Variants in CRBN observed in about 807,000 individuals in gnomAD.
The protein encoded by CRBN is cereblon.
CRBN carries 53 observed loss-of-function variants against 62.2 expected under a neutral mutation model. That is an observed-to-expected ratio of 0.85 (90% CI 0.68 to 1.07). The LOEUF (loss-of-function observed/expected upper bound fraction) is 1.07. CRBN is among the 50% of genes least tolerant of loss of function. CRBN has a pLI of 0.00. For missense variants in CRBN, 616 were observed against 531.1 expected (o/e 1.16, Z -1.57); for synonymous variants, 208 against 176.1 (o/e 1.18, Z -1.43).
At position 3,165,729 on chromosome 3, in the gene CRBN, AGCAGT is replaced by A. The variant is rs1216390880; in HGVS notation, c.687+1900_687+1904del. On this transcript the variant is annotated intron_variant, in intron 5 of 10. Coordinates refer to ENST00000231948, the MANE Select transcript of CRBN (RefSeq NM_016302.4). ...TTTATTGTGATACTTGTTTTATTGC[AGCAGT>A]TTGAAACTGAACCTGCAATATCTCC... 3.3e-5 allele frequency among the ~76,000 whole-genome samples: 5 copies of A among 152,184 alleles called. No homozygotes were observed. The South Asian group carries it at 1.0e-3, about 32-fold the overall frequency.
intron 5 of CRBN, chr3:3,156,880 ATGTGAATTGTAGAAATTTCAGTTGAAT>A (rs1299211726): frequency 6.6e-6 from 1 of 152,328 alleles, no homozygotes; most frequent in Non-Finnish European, 1.5e-5. Context: ...CCATATAAAA[ATGTGAATTGTAGAAATTTCAGTTGAAT>A]TGTGAATTGT....
intron 4 of CRBN, among the ~76,000 whole-genome samples, chr3:3,171,466 T>A (rs940906979): frequency 1.9e-4 from 29 of 151,612 alleles, no homozygotes; most frequent in Admixed American, 4.6e-4. Flanking sequence ...CATAAATAAG[T>A]CTTGGTCATT....
At chr3:3,156,407 T>G in intron 5 of CRBN, 126 bp from the exon 6 acceptor site, 2 of 780,662 alleles carry the variant, frequency 2.6e-6, no homozygotes, top group South Asian at 3.2e-5. Context: ...ATAAAAAATT[T>G]TGTAGATAAT....
intron 10 of CRBN, 151 bp from the exon 11 acceptor site, chr3:3,151,196 A>C (rs1706518481): frequency 2.5e-6 from 2 of 799,932 alleles, no homozygotes; most frequent in African/African-American, 3.5e-5. Context: ...CCTGAAACCT[A>C]AAAACATTTC....
At position 3,172,897 on chromosome 3, in the gene CRBN, CA is replaced by C; in HGVS notation, c.405del (p.Phe135LeufsTer20). Reference protein sequence around the residue: ...YSNVQEREAQFGTTAEIYAYR... With the variant: ...YSNVQEREAQXGTTAEIYAYR... ...TAGGCATATATCTCTGCTGTTGTTC[CA>C]AACTGTGCTTCCCTTTCCTGTACAT... On this transcript the variant is annotated frameshift_variant, in exon 4 of 11. Transcript: ENST00000231948. LOFTEE classifies it high-confidence loss of function. The C allele has an allele frequency of 6.2e-7, 1 of 1,613,774 alleles. No homozygotes were observed. Among genetic ancestry groups the C allele is most frequent in the Non-Finnish European group, 8.5e-7 (1 of 1,179,756 alleles).
intron 6 of CRBN, chr3:3,155,516 G>C (rs1027834181): frequency 6.5e-6 from 1 of 152,988 alleles, no homozygotes; most frequent in Admixed American, 6.5e-5. Context: ...GTAAGTGACA[G>C]AAATCAGACT....
At chr3:3,156,397 A>G (rs969608506) in intron 5 of CRBN, 116 bp from the exon 6 acceptor site, 3 of 903,994 alleles carry the variant, frequency 3.3e-6, no homozygotes, top group African/African-American at 3.4e-5. Flanking sequence ...TTTTAAAAAG[A>G]TAAAAAATTT....
At chr3:3,175,306 T>C (rs556518479) in intron 1 of CRBN, 37 bp from the exon 2 acceptor site, 28 of 1,378,614 alleles carry the variant, frequency 2.0e-5, no homozygotes, top group South Asian at 1.3e-4. Flanking sequence ...AAAAAAAAGA[T>C]GAATGAAAAC....
At position 3,152,447 on chromosome 3, in the gene CRBN, TA is replaced by T. The variant is rs746944603; in HGVS notation, c.1148+8del. ...AGAAAAAAAAAAGCAACCACCACCATAATATTACCCAGGAAACCAGCTGTGT... is the reference window on the plus strand; with the variant it reads ...AGAAAAAAAAAAGCAACCACCACCATATATTACCCAGGAAACCAGCTGTGT... On this transcript the variant is annotated splice_region_variant and intron_variant, in intron 10 of 10. Transcript: ENST00000231948. The T allele has an allele frequency of 2.8e-5, 45 of 1,612,064 alleles. No homozygotes were observed. The highest frequency in any genetic ancestry group is 3.7e-5 in the Non-Finnish European group (44 of 1,179,506).
At chr3:3,153,164 C>T (rs1575080243) in intron 9 of CRBN, 1 of 425,808 alleles carries the variant, frequency 2.3e-6, no homozygotes. Flanking sequence ...AGATTGTCAA[C>T]AAGAATTAGG....
chr3:3,154,767 G>T lies in CRBN; in HGVS notation c.815C>A (p.Ser272Tyr). 1.3e-6 allele frequency: 2 copies of T among 1,598,166 alleles called. No homozygotes were observed. Among genetic ancestry groups the T allele is most frequent in the Non-Finnish European group, 1.7e-6 (2 of 1,165,730 alleles). The change falls in exon 7 of 11, where the codon TCT (serine) becomes TAT (tyrosine). Residue 272 changes from serine (S) to tyrosine (Y), a missense_variant. By Grantham distance (144) the Ser-to-Tyr change is moderately radical. Transcript: ENST00000231948. ...REWDENLKDD[S>Y]LPSNPIDFSY... ...CATACCTATTGGATTTGAAGGAAGAGAATCATCTTTTAGATTTTCATCCCA... is the reference window on the plus strand; with the variant it reads ...CATACCTATTGGATTTGAAGGAAGATAATCATCTTTTAGATTTTCATCCCA...
intron 5 of CRBN, among the ~76,000 whole-genome samples, chr3:3,163,128 C>G (rs1707205172): frequency 1.3e-5 from 2 of 152,158 alleles, no homozygotes; most frequent in African/African-American, 4.8e-5. Flanking sequence ...ACTTGGAGTC[C>G]AAAATAGATC....
intron 5 of CRBN, among the ~76,000 whole-genome samples, chr3:3,157,094 CAT>C (rs2126056802): frequency 6.6e-6 from 1 of 152,226 alleles, no homozygotes; most frequent in South Asian, 2.1e-4. Flanking sequence ...CGTTTGGAAA[CAT>C]AACTGCAAAA....
chr3:3,154,297 T>C (rs1706779777), intron 7 of CRBN: 1 of 543,662 alleles, frequency 1.8e-6, no homozygotes, highest in African/African-American at 1.9e-5. Context: ...AATCCTTTTA[T>C]GTTAAACATG....
intron 4 of CRBN, among the ~76,000 whole-genome samples, chr3:3,169,477 G>GTA (rs10626719): frequency 6.6e-6 from 1 of 151,608 alleles, no homozygotes; most frequent in African/African-American, 2.4e-5. Context: ...TACTCTAATA[G>GTA]GAAAAAAACC....
chr3:3,159,744 G>C (rs910975729), intron 5 of CRBN, among the ~76,000 whole-genome samples: 1 of 152,108 alleles, frequency 6.6e-6, no homozygotes, highest in Admixed American at 6.5e-5. Flanking sequence ...ACACTGAAGA[G>C]ACATATACCA....
At chr3:3,160,731 T>C (rs796472547) in intron 5 of CRBN, among the ~76,000 whole-genome samples, 25 of 152,316 alleles carry the variant, frequency 1.6e-4, no homozygotes, top group African/African-American at 5.8e-4. Context: ...AAAAAAGCAG[T>C]GAGGGGCTTA....
At chr3:3,163,000 C>T (rs1328272273) in intron 5 of CRBN, among the ~76,000 whole-genome samples, 1 of 152,216 alleles carries the variant, frequency 6.6e-6, no homozygotes, top group African/African-American at 2.4e-5. Context: ...GATGGTCCCA[C>T]TGCATACGGA....
At chr3:3,178,595 G>A (rs192874516) in intron 1 of CRBN, among the ~76,000 whole-genome samples, 1 of 152,164 alleles carries the variant, frequency 6.6e-6, no homozygotes, top group Admixed American at 6.5e-5. Context: ...CAAATCCTCT[G>A]ACCCTTAAAC....
Sources: gnomAD v4.1 joint callset for allele counts (sites outside exome capture counted in the v4.1 genomes callset) on GRCh38, gnomAD v4.1.1 for gene constraint, MANE v1.5 for transcripts, NCBI Gene and HGNC (gene_info 2026-07-23, HGNC 2026-07-21) for gene names.